FGD4: variants seen among roughly 807,000 people sequenced by gnomAD.
The protein encoded by FGD4 is FYVE, RhoGEF and PH domain-containing protein 4.
A neutral mutation model predicts 102.0 loss-of-function variants in FGD4; 42 were observed. The observed-to-expected ratio is 0.41, with a 90% CI of 0.32 to 0.53. The LOEUF (loss-of-function observed/expected upper bound fraction) is 0.53, where lower values mean the gene tolerates loss of function less well. Ranked by LOEUF, FGD4 falls within the 20% of genes least tolerant of loss-of-function variation. FGD4 has a pLI of 0.21. For missense variants in FGD4, 902 were observed against 1,078.2 expected, an observed-to-expected ratio of 0.84 and a Z score of 2.29; for synonymous variants, 380 against 375.7, an observed-to-expected ratio of 1.01 and a Z score of -0.13.
chr12:32,485,009 C>T (rs1943854243), intron 1 of FGD4, among the ~76,000 whole-genome samples: 1 of 152,206 alleles, frequency 6.6e-6, no homozygotes, highest in East Asian at 1.9e-4. Flanking sequence ...TCAAGTGATC[C>T]TCCTGCCTCA....
At chr12:32,495,556 C>T (rs945223073) in intron 1 of FGD4, among the ~76,000 whole-genome samples, 2 of 151,886 alleles carry the variant, frequency 1.3e-5, no homozygotes, top group Admixed American at 1.3e-4. Context: ...ATTAGCCAGG[C>T]GTGGTGGCGG....
chr12:32,450,966 C>G (rs1439287108), intron 1 of FGD4, among the ~76,000 whole-genome samples: 2 of 152,182 alleles, frequency 1.3e-5, no homozygotes, highest in African/African-American at 4.8e-5. Flanking sequence ...TTGGGCCCTG[C>G]CTGACATCCT....
At chr12:32,563,685 C>T (rs1483243158) in intron 1 of FGD4, among the ~76,000 whole-genome samples, 3 of 152,140 alleles carry the variant, frequency 2.0e-5, no homozygotes, top group South Asian at 2.1e-4. Context: ...GCCGCGATCA[C>T]GCCACTGCAC....
chr12:32,509,241 CTTTTT>C lies in FGD4; in HGVS notation c.167-54882_167-54878del, dbSNP rs35053299. On this transcript the variant is annotated intron_variant, in intron 1 of 16. Coordinates refer to ENST00000534526, the MANE Select transcript of FGD4 (RefSeq NM_001370298.3). Reference sequence around the variant, plus strand: ...ATTCTATGTTCTTAACTTTTATTCTCTTTTTTTTTTTTTTTTTTGAGTTAGCCATT... The same window carrying C: ...ATTCTATGTTCTTAACTTTTATTCTCTTTTTTTTTTTTTGAGTTAGCCATT... Among the ~76,000 whole-genome samples, 528 of 132,660 alleles carry C rather than the reference CTTTTT, an allele frequency of 4.0e-3. 6 individuals carry two copies. Among genetic ancestry groups the C allele is most frequent in the African/African-American group, 0.014 (507 of 35,784 alleles). 87.0% of individuals were successfully genotyped at this position (132,660 alleles called of 152,430 possible). A position where few individuals can be genotyped will look rare whatever the true frequency, so the allele number is the denominator to read the frequency against.
chr12:32,623,757 G>C (rs1222952115), intron 11 of FGD4, among the ~76,000 whole-genome samples: 1 of 152,142 alleles, frequency 6.6e-6, no homozygotes, highest in Non-Finnish European at 1.5e-5. Flanking sequence ...AGGAAATAAA[G>C]TTTGCCTTAT....
intron 1 of FGD4, among the ~76,000 whole-genome samples, chr12:32,430,689 G>T (rs1278375205): frequency 4.6e-5 from 7 of 152,070 alleles, no homozygotes; most frequent in Admixed American, 1.3e-4. Context: ...TTTTCTAAGA[G>T]AATTTTTCTA....
intron 1 of FGD4, among the ~76,000 whole-genome samples, chr12:32,514,458 T>G (rs952825113): frequency 4.6e-5 from 7 of 152,192 alleles, no homozygotes; most frequent in Non-Finnish European, 1.0e-4. Flanking sequence ...GTATTTTCAG[T>G]TGGCTCTTGT....
chr12:32,400,297 C>T (rs78108476), intron 1 of FGD4, among the ~76,000 whole-genome samples: 9,361 of 152,274 alleles, frequency 0.061, 412 homozygotes, highest in Middle Eastern at 0.14. Flanking sequence ...TAAGCGGCTT[C>T]GCTAAATTCC....
At chr12:32,534,247 C>G (rs1042404197) in intron 1 of FGD4, 2 of 1,239,402 alleles carry the variant, frequency 1.6e-6, no homozygotes, top group Non-Finnish European at 2.0e-6. Context: ...TGCAGCAGTC[C>G]GTCCTCTGGG....
intron 1 of FGD4, among the ~76,000 whole-genome samples, chr12:32,438,616 G>T (rs7134434): frequency 1.3e-3 from 195 of 146,552 alleles, no homozygotes; most frequent in African/African-American, 4.4e-3. Context: ...GTTTGTGTGT[G>T]TTTTTTTTTT....
chr12:32,587,603 C>T (rs1397215905), intron 4 of FGD4, among the ~76,000 whole-genome samples: 1 of 152,000 alleles, frequency 6.6e-6, no homozygotes, highest in African/African-American at 2.4e-5. Context: ...GTTGCCCAGG[C>T]TGGTCTTGAA....
intron 1 of FGD4, among the ~76,000 whole-genome samples, chr12:32,412,253 G>A (rs554178899): frequency 6.6e-6 from 1 of 152,192 alleles, no homozygotes; most frequent in South Asian, 2.1e-4. Flanking sequence ...AGAAAGATCT[G>A]ATTAGGTCTG....
At chr12:32,528,584 T>C (rs900093589) in intron 1 of FGD4, among the ~76,000 whole-genome samples, 5 of 151,998 alleles carry the variant, frequency 3.3e-5, no homozygotes, top group Non-Finnish European at 1.5e-5. Flanking sequence ...AGAGATGAGG[T>C]TTCACCATGT....
intron 1 of FGD4, among the ~76,000 whole-genome samples, chr12:32,556,102 A>G (rs1288999851): frequency 6.6e-6 from 1 of 152,018 alleles, no homozygotes; most frequent in Non-Finnish European, 1.5e-5. Context: ...TGGCGTCCCT[A>G]AGTGCTGGGA....
At chr12:32,501,276 A>G (rs2133943) in intron 1 of FGD4, among the ~76,000 whole-genome samples, 42,409 of 152,144 alleles carry the variant, frequency 0.28, 6,536 homozygotes, top group Middle Eastern at 0.46. Flanking sequence ...GGCTGGTGTC[A>G]ATAATGGACA....
chr12:32,408,328 C>A (rs138398403), intron 1 of FGD4, among the ~76,000 whole-genome samples: 9,518 of 152,120 alleles, frequency 0.063, 421 homozygotes, highest in Middle Eastern at 0.15. Context: ...GCCACCATAC[C>A]TGGCTAATTC....
chr12:32,484,643 G>C (rs893692150), intron 1 of FGD4, among the ~76,000 whole-genome samples: 2 of 152,090 alleles, frequency 1.3e-5, no homozygotes, highest in African/African-American at 4.8e-5. Flanking sequence ...AGGCCGAGGT[G>C]GGTGGATTAC....
chr12:32,487,928 A>G (rs1049140398), intron 1 of FGD4, among the ~76,000 whole-genome samples: 1 of 152,228 alleles, frequency 6.6e-6, no homozygotes, highest in Non-Finnish European at 1.5e-5. Context: ...AATGGAAGCC[A>G]TAGAACTTAT....
chr12:32,590,868 C>T (rs1471123492), intron 4 of FGD4, among the ~76,000 whole-genome samples: 1 of 152,140 alleles, frequency 6.6e-6, no homozygotes, highest in Non-Finnish European at 1.5e-5. Context: ...AAAGAATCTG[C>T]AGAACTTTGG....
Sources: allele counts gnomAD v4.1 joint callset (sites outside exome capture counted in the v4.1 genomes callset), GRCh38; gene constraint gnomAD v4.1.1; transcripts MANE v1.5; gene names NCBI Gene and HGNC (gene_info 2026-07-23, HGNC 2026-07-21).